MOB3B: variants seen among roughly 807,000 people sequenced by gnomAD.
The protein encoded by MOB3B is MOB kinase activator-like 2B.
MOB3B carries 7 observed loss-of-function variants against 18.7 expected under a neutral mutation model. That is an observed-to-expected ratio of 0.37 (90% confidence interval 0.21 to 0.70). The LOEUF is 0.70. Ranked by LOEUF, MOB3B falls within the 30% of genes least tolerant of loss-of-function variation. MOB3B has a pLI of 0.52. For missense variants in MOB3B, 253 were observed against 281.3 expected, an observed-to-expected ratio of 0.90 and a Z score of 0.72; for synonymous variants, 111 against 99.9, an observed-to-expected ratio of 1.11 and a Z score of -0.66.
At chr9:27,465,962 A>T (rs1819377134) in intron 1 of MOB3B, among the ~76,000 whole-genome samples, 1 of 152,188 alleles carries the variant, frequency 6.6e-6, no homozygotes. Context: ...GCAGCCATGA[A>T]GATCTCTGAC....
intron 3 of MOB3B, among the ~76,000 whole-genome samples, chr9:27,338,045 G>T (rs1820888318): frequency 6.6e-6 from 1 of 152,076 alleles, no homozygotes; most frequent in Non-Finnish European, 1.5e-5. Flanking sequence ...AACAGCACTG[G>T]CTGGAAAGGT....
At chr9:27,349,002 T>C (rs1050687001) in intron 3 of MOB3B, among the ~76,000 whole-genome samples, 1 of 152,164 alleles carries the variant, frequency 6.6e-6, no homozygotes, top group Non-Finnish European at 1.5e-5. Flanking sequence ...ACATGGCCCA[T>C]TCAAAGAACT....
rs571008456 is a variant in MOB3B at position 27,389,787 on chromosome 9, T to C, written c.419-30551A>G. ...ATGAATTAGCACTTTTAAGTCACTT[T>C]TAGTCTAGTGCAGAAAGAGAAAATA... is the stretch of plus-strand genomic sequence containing the variant. On this transcript the variant is annotated intron_variant, in intron 2 of 3. Transcript: ENST00000262244. 2.0e-5 allele frequency among the ~76,000 whole-genome samples: 3 copies of C among 152,186 alleles called. No individual in the cohort carries two copies. In the South Asian group the frequency reaches 6.2e-4, roughly 32 times the overall value.
intron 3 of MOB3B, among the ~76,000 whole-genome samples, chr9:27,350,933 G>T (rs548314369): frequency 7.0e-6 from 1 of 143,098 alleles, no homozygotes; most frequent in African/African-American, 2.6e-5. Context: ...ACGAAGTCTC[G>T]CTGTTGTGCC....
intron 1 of MOB3B, among the ~76,000 whole-genome samples, chr9:27,528,781 G>C (rs530428505): frequency 1.8e-4 from 19 of 104,560 alleles, no homozygotes; most frequent in Admixed American, 1.1e-3. Flanking sequence ...AGAGCGCGAG[G>C]GGGGGGATCC....
intron 1 of MOB3B, among the ~76,000 whole-genome samples, chr9:27,517,756 C>T (rs1465218470): frequency 6.7e-6 from 1 of 149,218 alleles, no homozygotes; most frequent in African/African-American, 2.5e-5. Context: ...CATATCTGTT[C>T]ATTCAATAAA....
At chr9:27,470,638 A>G (rs562518085) in intron 1 of MOB3B, among the ~76,000 whole-genome samples, 1 of 152,230 alleles carries the variant, frequency 6.6e-6, no homozygotes, top group African/African-American at 2.4e-5. Context: ...CTTCTGGCCC[A>G]TCTATAATCA....
rs555463363 is a variant in MOB3B at position 27,389,423 on chromosome 9, C to CATGCCGAGAGCTTCTCTACTTGAAA, written c.419-30188_419-30187insTTTCAAGTAGAGAAGCTCTCGGCAT. 7.0e-4 allele frequency among the ~76,000 whole-genome samples: 107 copies of CATGCCGAGAGCTTCTCTACTTGAAA among 152,272 alleles called. 1 individual carries two copies. The highest frequency in any genetic ancestry group is 2.5e-3 in the African/African-American group (102 of 41,566). Reference sequence around the variant, plus strand: ...ATGGGCTTCTTTCCAATTACTTGAACATGCCGAGAGCTTCTCTACTTCAGG... The same window carrying CATGCCGAGAGCTTCTCTACTTGAAA: ...ATGGGCTTCTTTCCAATTACTTGAACATGCCGAGAGCTTCTCTACTTGAAAATGCCGAGAGCTTCTCTACTTCAGG... On this transcript the variant is annotated intron_variant, in intron 2 of 3. Transcript: ENST00000262244.
chr9:27,498,145 G>A (rs113432494), intron 1 of MOB3B, among the ~76,000 whole-genome samples: 70 of 152,278 alleles, frequency 4.6e-4, no homozygotes, highest in Middle Eastern at 6.8e-3. Context: ...CAGAAACGCC[G>A]TGGTGCGTGT....
chr9:27,371,683 G>A (rs984680383), intron 2 of MOB3B, among the ~76,000 whole-genome samples: 4 of 152,298 alleles, frequency 2.6e-5, no homozygotes, highest in African/African-American at 7.2e-5. Context: ...TAGGCTGGGT[G>A]TAATATGATC....
At chr9:27,488,405 TATATTTATTTA>T (rs1819762470) in intron 1 of MOB3B, among the ~76,000 whole-genome samples, 1 of 152,184 alleles carries the variant, frequency 6.6e-6, no homozygotes, top group Non-Finnish European at 1.5e-5. Context: ...TCTCTCTTTT[TATATTTATTTA>T]TTTATTTTTG....
At chr9:27,378,430 T>A (rs1821522631) in intron 2 of MOB3B, 1 of 471,316 alleles carries the variant, frequency 2.1e-6, no homozygotes, top group South Asian at 1.5e-5. Flanking sequence ...CCTGATCCCA[T>A]CTAGTTCCCT....
chr9:27,491,752 A>G (rs1819823220), intron 1 of MOB3B, among the ~76,000 whole-genome samples: 1 of 152,170 alleles, frequency 6.6e-6, no homozygotes, highest in Non-Finnish European at 1.5e-5. Context: ...AGGCGCCTGT[A>G]GTCCCAGCTA....
At chr9:27,513,110 A>G (rs1479190244) in intron 1 of MOB3B, among the ~76,000 whole-genome samples, 1 of 152,338 alleles carries the variant, frequency 6.6e-6, no homozygotes, top group East Asian at 1.9e-4. Context: ...TTACCAAAAA[A>G]CTATCATGTT....
chr9:27,524,996 G>T, intron 1 of MOB3B: 2 of 1,489,714 alleles, frequency 1.3e-6, no homozygotes, highest in Non-Finnish European at 1.8e-6. Context: ...TTTTCCCTCC[G>T]AAATCTCTTT....
At chr9:27,502,557 C>T (rs963404506) in intron 1 of MOB3B, among the ~76,000 whole-genome samples, 7 of 152,218 alleles carry the variant, frequency 4.6e-5, no homozygotes, top group Non-Finnish European at 1.0e-4. Flanking sequence ...TGTGTGAAGA[C>T]TAATGTCCTG....
rs1254228706 is a variant in MOB3B, at chr9:27,326,176, T to C, written c.*4411A>G. 7 of 313,280 alleles carry C rather than the reference T, an allele frequency of 2.2e-5. No individual in the cohort carries two copies. The highest frequency in any genetic ancestry group is 4.0e-5 in the Non-Finnish European group (7 of 173,558). 19.4% of individuals were successfully genotyped at this position (313,280 alleles called of 1,614,324 possible). Reference sequence around the variant, plus strand: ...TTTGGAGAAGGCATGAAATAAGTTCTTTTCATGTTCACTGCTGGTCACAGC... The same window carrying C: ...TTTGGAGAAGGCATGAAATAAGTTCCTTTCATGTTCACTGCTGGTCACAGC... On this transcript the variant is annotated 3_prime_UTR_variant, in exon 4 of 4. Coordinates refer to ENST00000262244, the MANE Select transcript of MOB3B (RefSeq NM_024761.5).
At chr9:27,372,971 C>A (rs1389646417) in intron 2 of MOB3B, among the ~76,000 whole-genome samples, 2 of 152,202 alleles carry the variant, frequency 1.3e-5, no homozygotes, top group African/African-American at 2.4e-5. Flanking sequence ...ACTATCTTTA[C>A]AACTTTTTAA....
intron 1 of MOB3B, among the ~76,000 whole-genome samples, chr9:27,490,180 A>G (rs2131486102): frequency 6.6e-6 from 1 of 152,236 alleles, no homozygotes; most frequent in East Asian, 1.9e-4. Context: ...CAATCCCCCT[A>G]CTACAGATGG....
Sources: gnomAD v4.1 joint callset for allele counts (sites outside exome capture counted in the v4.1 genomes callset) on GRCh38, gnomAD v4.1.1 for gene constraint, MANE v1.5 for transcripts, NCBI Gene and HGNC (gene_info 2026-07-23, HGNC 2026-07-21) for gene names.